Variants in CCDC7 observed in about 807,000 individuals in gnomAD.
CCDC7 encodes the protein coiled-coil domain containing 7.
In CCDC7, 183 loss-of-function variants were observed where a neutral mutation model predicts 196.9. That is an observed-to-expected ratio of 0.93 (90% CI 0.82 to 1.05). The LOEUF (loss-of-function observed/expected upper bound fraction) is 1.05. Ranked by LOEUF, CCDC7 falls within the 50% of genes least tolerant of loss-of-function variation. The probability of loss-of-function intolerance (pLI) is 0.00; values close to 1 mark genes in which losing one functional copy is unlikely to be tolerated. For synonymous variants in CCDC7, 525 were observed against 484.6 expected (o/e 1.08, Z -1.10); for missense variants, 1,540 against 1,482.2 (o/e 1.04, Z -0.64).
At position 32,653,635 on chromosome 10, in the gene CCDC7, TC is replaced by T. The variant is rs1193026527; in HGVS notation, c.2015-10418del. ...TCCATCTTGCTCTGGTGATTCTATCTCAAAGCCTTTCTTCTTATAGCTGAGA... is the reference window on the plus strand; with the variant it reads ...TCCATCTTGCTCTGGTGATTCTATCTAAAGCCTTTCTTCTTATAGCTGAGA... On this transcript the variant is annotated intron_variant, in intron 20 of 41. Coordinates refer to ENST00000639629, the Ensembl canonical transcript of CCDC7. Among the ~76,000 whole-genome samples the T allele has an allele frequency of 2.0e-5, 3 of 152,300 alleles. No homozygotes were observed. The East Asian group carries it at 5.8e-4, about 29-fold the overall frequency.
intron 18 of CCDC7, among the ~76,000 whole-genome samples, chr10:32,603,000 A>G (rs2061217628): frequency 6.6e-6 from 1 of 152,170 alleles, no homozygotes; most frequent in African/African-American, 2.4e-5. Flanking sequence ...GAAATATAAA[A>G]TATTTTGTTA....
chr10:32,569,581 C>T (rs2057307104), intron 15 of CCDC7, among the ~76,000 whole-genome samples: 2 of 152,058 alleles, frequency 1.3e-5, no homozygotes, highest in South Asian at 2.1e-4. Context: ...AGCCTGACAC[C>T]ATGCCTGGCT....
intron 18 of CCDC7, among the ~76,000 whole-genome samples, chr10:32,587,960 T>C (rs1181026034): frequency 6.6e-6 from 1 of 152,038 alleles, no homozygotes; most frequent in Admixed American, 6.6e-5. Context: ...CCTTTGGGAG[T>C]TGATTAGGTC....
chr10:32,857,825 T>A (rs866925482), intron 41 of CCDC7, among the ~76,000 whole-genome samples: 1 of 147,664 alleles, frequency 6.8e-6, no homozygotes, highest in African/African-American at 2.5e-5. Context: ...GAAAAAAAAA[T>A]CAATAAAACC....
intron 10 of CCDC7, 67 bp from the exon 12 acceptor site, chr10:32,518,345 TTAAA>T: frequency 1.4e-6 from 2 of 1,428,756 alleles, no homozygotes; most frequent in Non-Finnish European, 1.9e-6. Context: ...ACCTTAATAA[TTAAA>T]TATCTGAATA....
At chr10:32,622,351 A>G (rs1241257354) in intron 18 of CCDC7, among the ~76,000 whole-genome samples, 2 of 152,026 alleles carry the variant, frequency 1.3e-5, no homozygotes, top group African/African-American at 4.8e-5. Context: ...GAATTATTGT[A>G]TAAATAGATT....
rs1228124380 is a variant in CCDC7 at position 32,471,116 on chromosome 10, C to CA, written c.564dup (p.Val189SerfsTer16). 6.2e-7 allele frequency: 1 copy of CA among 1,612,000 alleles called. No individual in the cohort carries two copies. Among genetic ancestry groups the CA allele is most frequent in the Non-Finnish European group, 8.5e-7 (1 of 1,179,126 alleles). ...GCAGAGCCTCCAAAACCTGACAAAACAGTCATTTTAAATATTGCAGAAATA... is the reference window on the plus strand; with the variant it reads ...GCAGAGCCTCCAAAACCTGACAAAACAAGTCATTTTAAATATTGCAGAAATA... On this transcript the variant is annotated frameshift_variant, in exon 6 of 42. Coordinates refer to ENST00000639629, the Ensembl canonical transcript of CCDC7. LOFTEE classifies it high-confidence loss of function.
chr10:32,572,587 G>A (rs1333659234), intron 16 of CCDC7, among the ~76,000 whole-genome samples: 1 of 152,052 alleles, frequency 6.6e-6, no homozygotes, highest in Non-Finnish European at 1.5e-5. Context: ...TGTAGTGAAT[G>A]TTTATATTTA....
At chr10:32,576,626 C>T (rs2058225455) in intron 16 of CCDC7, among the ~76,000 whole-genome samples, 1 of 146,240 alleles carries the variant, frequency 6.8e-6, no homozygotes, top group Non-Finnish European at 1.5e-5. Context: ...TCATGGCTTA[C>T]TGCTTCTTCA....
intron 41 of CCDC7, among the ~76,000 whole-genome samples, chr10:32,867,794 C>A (rs1022946068): frequency 4.0e-5 from 6 of 151,476 alleles, no homozygotes; most frequent in Non-Finnish European, 8.9e-5. Flanking sequence ...CCATTTTAAC[C>A]ATTTTTAAGT....
In CCDC7 at chr10:32,671,793, C is replaced by T. The variant is rs565891506; in HGVS notation, c.2122+7632C>T. Among the ~76,000 whole-genome samples, 114 of 152,182 alleles carry T rather than the reference C, an allele frequency of 7.5e-4. 1 individual carries two copies. Among genetic ancestry groups the T allele is most frequent in the African/African-American group, 2.4e-3 (100 of 41,530 alleles). ...GCTGGGTGGGCTGCTGCAGTTCTGG[C>T]ACTCATGAGATTGAGAGTTGTGTCA... is the stretch of plus-strand genomic sequence containing the variant. On this transcript the variant is annotated intron_variant, in intron 21 of 41. Transcript: ENST00000639629.
At chr10:32,472,342 G>A in intron 6 of CCDC7, 139 bp from the exon 8 acceptor site, 6 of 717,412 alleles carry the variant, frequency 8.4e-6, no homozygotes, top group Non-Finnish European at 1.2e-5. Flanking sequence ...TAGTGTCTGT[G>A]AGTAAAGATT....
chr10:32,595,426 G>T (rs2060227028), intron 18 of CCDC7, among the ~76,000 whole-genome samples: 1 of 152,074 alleles, frequency 6.6e-6, no homozygotes, highest in Non-Finnish European at 1.5e-5. Context: ...GCGTCTATTT[G>T]ATTCTTCTCT....
intron 21 of CCDC7, among the ~76,000 whole-genome samples, chr10:32,673,423 C>G (rs959733481): frequency 2.6e-5 from 4 of 152,002 alleles, no homozygotes; most frequent in African/African-American, 9.7e-5. Flanking sequence ...AGATGTCTTT[C>G]CATTTTAATT....
rs1304281694 is a variant in CCDC7, at chr10:32,736,205, G to C, written c.2905+6748G>C. ...ATTCCATTTTGATTCCCACAGAATG[G>C]CTTGTGGGAATTTTGATTGCGATTG... On this transcript the variant is annotated intron_variant, in intron 28 of 41. Coordinates refer to ENST00000639629, the Ensembl canonical transcript of CCDC7. 2.6e-5 allele frequency among the ~76,000 whole-genome samples: 4 copies of C among 152,162 alleles called. No individual in the cohort carries two copies. In the East Asian group the frequency reaches 7.7e-4, roughly 29 times the overall value.
intron 18 of CCDC7, among the ~76,000 whole-genome samples, chr10:32,619,122 A>G (rs1408896825): frequency 6.6e-6 from 1 of 151,984 alleles, no homozygotes; most frequent in Non-Finnish European, 1.5e-5. Flanking sequence ...TTTCAAGGCC[A>G]AAGCCTTTTA....
rs149354016 is a variant in CCDC7 at position 32,553,352 on chromosome 10, A to G, written c.1134+9051A>G. 7.5e-3 allele frequency among the ~76,000 whole-genome samples: 1,132 copies of G among 151,882 alleles called. 14 individuals carry two copies. Among genetic ancestry groups the G allele is most frequent in the African/African-American group, 0.026 (1,078 of 41,408 alleles). On this transcript the variant is annotated intron_variant, in intron 13 of 41. Transcript: ENST00000639629. ...TGTATCATTTTTTGGATTTCCTTGC[A>G]TTGAGCTTCACCTTTCTCTGGTGCC...
intron 41 of CCDC7, among the ~76,000 whole-genome samples, chr10:32,871,078 C>T (rs113586273): frequency 1.6e-4 from 24 of 152,138 alleles, no homozygotes; most frequent in African/African-American, 5.8e-4. Context: ...TGTTGTGTCT[C>T]TGCCAGGCTT....
intron 18 of CCDC7, among the ~76,000 whole-genome samples, chr10:32,613,644 T>G (rs2062436821): frequency 6.6e-6 from 1 of 152,302 alleles, no homozygotes; most frequent in South Asian, 2.1e-4. Flanking sequence ...AAGAACTTAT[T>G]TATTTCTGCC....
Sources: gnomAD v4.1 joint callset for allele counts (sites outside exome capture counted in the v4.1 genomes callset) on GRCh38, gnomAD v4.1.1 for gene constraint, MANE v1.5 for transcripts, NCBI Gene and HGNC (gene_info 2026-07-23, HGNC 2026-07-21) for gene names.